FILIP1L: variants seen among roughly 807,000 people sequenced by gnomAD.
The protein encoded by FILIP1L is filamin A-interacting protein 1-like.
Under a neutral mutation model 96.6 loss-of-function variants are expected in FILIP1L, and 55 were observed. The observed-to-expected ratio is 0.57, with a 90% CI of 0.46 to 0.71. FILIP1L has a LOEUF of 0.71. Among genes scored for constraint, FILIP1L ranks in the 30% least tolerant of loss-of-function variants. The pLI is 0.00. For missense variants in FILIP1L, 1,304 were observed against 1,321.2 expected (o/e 0.99, Z 0.20); for synonymous variants, 467 against 473.9 (o/e 0.99, Z 0.19).
chr3:99,864,917 C>A (rs1465416790), intron 4 of FILIP1L, among the ~76,000 whole-genome samples: 1 of 152,136 alleles, frequency 6.6e-6, no homozygotes, highest in Non-Finnish European at 1.5e-5. Context: ...TATGTGCGCA[C>A]ACACGCATCT....
At chr3:99,904,895 C>G (rs186385371) in intron 4 of FILIP1L, among the ~76,000 whole-genome samples, 3 of 152,314 alleles carry the variant, frequency 2.0e-5, no homozygotes, top group Admixed American at 2.0e-4. Context: ...TTATTACACT[C>G]TTTACGTCTA....
intron 1 of FILIP1L, among the ~76,000 whole-genome samples, chr3:99,957,093 A>C (rs1708341557): frequency 6.6e-6 from 1 of 152,228 alleles, no homozygotes; most frequent in Non-Finnish European, 1.5e-5. Flanking sequence ...TGTAAGAATA[A>C]AAATACTTGT....
At chr3:100,025,535 A>T (rs2064903522) in intron 1 of FILIP1L, 1 of 152,180 alleles carries the variant, frequency 6.6e-6, no homozygotes, top group Non-Finnish European at 1.5e-5. Flanking sequence ...GAACGGGGAA[A>T]GATGTTATAC....
At chr3:99,999,464 T>G (rs908287743) in intron 1 of FILIP1L, among the ~76,000 whole-genome samples, 3 of 152,178 alleles carry the variant, frequency 2.0e-5, no homozygotes, top group Non-Finnish European at 4.4e-5. Flanking sequence ...CTAAAATTGT[T>G]TAGTAGATTA....
intron 1 of FILIP1L, among the ~76,000 whole-genome samples, chr3:99,998,675 G>A (rs541423946): frequency 4.6e-5 from 7 of 152,242 alleles, no homozygotes; most frequent in East Asian, 1.9e-4. Context: ...CGATTCTCCC[G>A]CCTCAGCCTC....
chr3:100,069,714 C>T (rs984385824), intron 1 of FILIP1L, among the ~76,000 whole-genome samples: 2 of 152,082 alleles, frequency 1.3e-5, no homozygotes, highest in African/African-American at 2.4e-5. Context: ...AATAAAAATA[C>T]AAGTAACCTG....
chr3:99,933,004 C>G (rs1409746473), intron 1 of FILIP1L, among the ~76,000 whole-genome samples: 1 of 152,166 alleles, frequency 6.6e-6, no homozygotes, highest in Admixed American at 6.5e-5. Context: ...TTAGCTCATT[C>G]AAGTCTCACA....
At chr3:100,041,911 A>C (rs1204434208) in intron 1 of FILIP1L, among the ~76,000 whole-genome samples, 6 of 152,184 alleles carry the variant, frequency 3.9e-5, no homozygotes, top group Admixed American at 2.0e-4. Flanking sequence ...GACAGCTGAA[A>C]ACTAGGATAG....
At chr3:100,064,995 AAC>A (rs1290757614) in intron 1 of FILIP1L, among the ~76,000 whole-genome samples, 1 of 152,226 alleles carries the variant, frequency 6.6e-6, no homozygotes, top group African/African-American at 2.4e-5. Flanking sequence ...TGTGTAACAA[AAC>A]ACTATGCTAG....
chr3:99,862,684 T>C lies in FILIP1L; in HGVS notation c.606-11614A>G, dbSNP rs77563521. ...GACATTGCAGAGAAATTGAGTCTGG[T>C]TGAGAAGTCACTGTTTTAGGGCATA... On this transcript the variant is annotated intron_variant, in intron 4 of 5. Coordinates refer to ENST00000477258, the MANE Select transcript of FILIP1L (RefSeq NM_001387850.1). Among the ~76,000 whole-genome samples the C allele has an allele frequency of 3.1e-3, 473 of 152,342 alleles. 4 individuals are homozygous for C. The highest frequency in any genetic ancestry group is 0.011 in the African/African-American group (447 of 41,576).
intron 5 of FILIP1L, among the ~76,000 whole-genome samples, chr3:99,840,111 C>A (rs1303640594): frequency 1.3e-5 from 2 of 152,138 alleles, no homozygotes; most frequent in East Asian, 3.9e-4. Flanking sequence ...CTCTTTCTTC[C>A]CCACAACAAA....
At chr3:100,113,549 AT>A (rs2066525549) in intron 1 of FILIP1L, among the ~76,000 whole-genome samples, 1 of 152,230 alleles carries the variant, frequency 6.6e-6, no homozygotes, top group African/African-American at 2.4e-5. Flanking sequence ...TATAGTTGCC[AT>A]TTGAAAATGT....
chr3:99,871,973 T>C (rs1015760232), intron 4 of FILIP1L, among the ~76,000 whole-genome samples: 3 of 152,230 alleles, frequency 2.0e-5, no homozygotes, highest in African/African-American at 7.2e-5. Context: ...ACTTAAGAAC[T>C]TTGAACCTTT....
chr3:99,887,481 C>T (rs17397949), intron 4 of FILIP1L, among the ~76,000 whole-genome samples: 1,757 of 152,210 alleles, frequency 0.012, 18 homozygotes, highest in African/African-American at 0.026. Flanking sequence ...ACAGCCATGA[C>T]TGAGAGGTCA....
chr3:100,042,172 A>T (rs2065216145), intron 1 of FILIP1L, among the ~76,000 whole-genome samples: 1 of 152,226 alleles, frequency 6.6e-6, no homozygotes, highest in South Asian at 2.1e-4. Context: ...AAGGGCAAAA[A>T]TTGTGGCAGT....
At chr3:100,101,033 A>C (rs1003387907) in intron 1 of FILIP1L, among the ~76,000 whole-genome samples, 2 of 152,282 alleles carry the variant, frequency 1.3e-5, no homozygotes, top group East Asian at 3.9e-4. Context: ...GTAGGATAGC[A>C]GCCTTCAGAT....
At chr3:100,056,823 T>A (rs1291826025) in intron 1 of FILIP1L, among the ~76,000 whole-genome samples, 6 of 151,578 alleles carry the variant, frequency 4.0e-5, no homozygotes, top group African/African-American at 1.5e-4. Context: ...GCTAACACAG[T>A]GAAACCCCGT....
chr3:99,844,297 A>G lies in FILIP1L; in HGVS notation c.3381+3998T>C, dbSNP rs114900262. Among the ~76,000 whole-genome samples the G allele has an allele frequency of 5.3e-3, 804 of 152,280 alleles. 10 individuals carry two copies. Among genetic ancestry groups the G allele is most frequent in the African/African-American group, 0.016 (652 of 41,562 alleles). ...ATTGGATAGCTCTGAGTGGAACTTA[A>G]TATCAGGGGATTCTCACACAGGTAT... On this transcript the variant is annotated intron_variant, in intron 5 of 5. Coordinates refer to ENST00000477258, the MANE Select transcript of FILIP1L (RefSeq NM_001387850.1).
intron 3 of FILIP1L, among the ~76,000 whole-genome samples, chr3:99,929,346 C>G (rs1707397616): frequency 6.6e-6 from 1 of 152,196 alleles, no homozygotes; most frequent in South Asian, 2.1e-4. Context: ...ATGCACTCAT[C>G]TAAAATATAT....
Sources: allele counts gnomAD v4.1 joint callset (sites outside exome capture counted in the v4.1 genomes callset), GRCh38; gene constraint gnomAD v4.1.1; transcripts MANE v1.5; gene names NCBI Gene and HGNC (gene_info 2026-07-23, HGNC 2026-07-21).